The following ACTN3 variants were observed in gnomAD, a reference collection of about 807,000 sequenced individuals.
The protein encoded by ACTN3 is alpha-actinin-3.
Under a neutral mutation model 119.6 loss-of-function variants are expected in ACTN3, and 91 were observed. The ratio of observed to expected loss-of-function variants is 0.76; its 90% CI spans 0.64 to 0.91. The LOEUF (loss-of-function observed/expected upper bound fraction) is 0.91. Among genes scored for constraint, ACTN3 ranks in the 40% least tolerant of loss-of-function variants. The pLI is 0.00. For missense variants in ACTN3, 1,221 were observed against 1,215.1 expected, an observed-to-expected ratio of 1.00 and a Z score of -0.07; for synonymous variants, 456 against 478.8, an observed-to-expected ratio of 0.95 and a Z score of 0.62.
intron 11 of ACTN3, among the ~76,000 whole-genome samples, chr11:66,558,605 T>G (rs1318270996): frequency 6.6e-6 from 1 of 152,006 alleles, no homozygotes; most frequent in Non-Finnish European, 1.5e-5. Flanking sequence ...TGGACTCGAG[T>G]GATCCACCCA....
Position 66,563,194 on chromosome 11 carries a change from C to G in ACTN3, c.*1C>G. 6.3e-7 allele frequency: 1 copy of G among 1,596,644 alleles called. No homozygotes were observed. The highest frequency in any genetic ancestry group is 2.2e-5 in the East Asian group (1 of 44,542). On this transcript the variant is annotated 3_prime_UTR_variant, in exon 21 of 21. Transcript: ENST00000513398. ...CCTCTATGGGGAGAGCGACCTTTGA[C>G]CCCAACCACTGAGGTTCTCTATGCA...
rs772952465 is a variant in ACTN3 at position 66,557,720 on chromosome 11, A to C, written c.919A>C (p.Thr307Pro). 1.2e-6 allele frequency: 2 copies of C among 1,612,718 alleles called. No homozygotes were observed. Among genetic ancestry groups the C allele is most frequent in the Non-Finnish European group, 1.7e-6 (2 of 1,179,468 alleles). ...ASELLEWIRR[T>P]VPWLENRVGE... is the part of the protein sequence containing the mutation. ...TCAGCTGCTGGAGTGGATCCGCCGC[A>C]CTGTCCCATGGCTGGAGAACCGTGT... Residue 307 changes from threonine to proline, a missense_variant, in exon 10 of 21, where the codon ACT (threonine) becomes CCT (proline). Transcript: ENST00000513398.
rs142273140 is a variant in ACTN3 at position 66,557,241 on chromosome 11, C to T, written c.897+16C>T. ...TGCCAGTGAGGTGAGGCTGGGCTCCCACCGTGCTCTCCCCACCCCAGCCCT... is the reference window on the plus strand; with the variant it reads ...TGCCAGTGAGGTGAGGCTGGGCTCCTACCGTGCTCTCCCCACCCCAGCCCT... On this transcript the variant is annotated intron_variant, in intron 9 of 20. Coordinates refer to ENST00000513398, the MANE Select transcript of ACTN3 (RefSeq NM_001104.4). 413 of 1,550,648 alleles carry T rather than the reference C, an allele frequency of 2.7e-4. No homozygotes were observed. The highest frequency in any genetic ancestry group is 3.4e-4 in the Non-Finnish European group (385 of 1,146,488).
rs564806744 is a variant in ACTN3, at chr11:66,558,470, C to T, written c.1276+296C>T. On this transcript the variant is annotated intron_variant, in intron 11 of 20. Transcript: ENST00000513398. Reference sequence around the variant, plus strand: ...ACAATCTCTGCCTCCCAGGCTCAAGCGATCCTCCTGCCTCAGCCACCCAAG... The same window carrying T: ...ACAATCTCTGCCTCCCAGGCTCAAGTGATCCTCCTGCCTCAGCCACCCAAG... Among the ~76,000 whole-genome samples the T allele has an allele frequency of 8.5e-5, 13 of 152,298 alleles. 1 individual carries two copies. The highest frequency in any genetic ancestry group is 2.6e-4 in the African/African-American group (11 of 41,560).
rs376683828 is a variant in ACTN3 at position 66,546,927 on chromosome 11, G to C, written c.-11G>C. ...CGTGCCGAGCGGAGCGAAGCCAGGA[G>C]CCCGATCGAGATGATGATGGTTATG... On this transcript the variant is annotated 5_prime_UTR_variant, in exon 1 of 21. Transcript: ENST00000513398. The C allele has an allele frequency of 1.3e-6, 2 of 1,536,840 alleles. No homozygotes were observed. The highest frequency in any genetic ancestry group is 1.4e-5 in the African/African-American group (1 of 72,354).
chr11:66,560,399 T>A, intron 14 of ACTN3, 88 bp downstream of exon 14: 1 of 1,517,446 alleles, frequency 6.6e-7, no homozygotes, highest in Non-Finnish European at 8.9e-7. Context: ...TCCTGGGGCA[T>A]AGGGATGGGA....
chr11:66,559,414 C>T, intron 12 of ACTN3, 28 bp downstream of exon 12: 1 of 1,454,046 alleles, frequency 6.9e-7, no homozygotes. Flanking sequence ...GGGCCCGCCC[C>T]CAACACCCCC....
chr11:66,563,152 G>A lies in ACTN3; in HGVS notation c.2665G>A (p.Val889Met), dbSNP rs540771729. The A allele has an allele frequency of 8.1e-6, 13 of 1,613,026 alleles. No individual in the cohort carries two copies. Among genetic ancestry groups the A allele is most frequent in the East Asian group, 4.5e-5 (2 of 44,856 alleles). The change falls in exon 21 of 21, where the codon GTG (valine) becomes ATG (methionine). Residue 889 changes from valine (V) to methionine (M), a missense_variant. Physicochemically the swap from Val to Met is conservative, Grantham distance 21. Around this residue, in one of 3 missense-constraint regions of ACTN3, gnomAD observed 934 missense variants for 899.9 expected, o/e 1.04. Coordinates refer to ENST00000513398, the MANE Select transcript of ACTN3 (RefSeq NM_001104.4). ...SGAPAGALDYVAFSSALYGES... is the reference protein window; with the variant it reads ...SGAPAGALDYMAFSSALYGES... ...GGCCCCGGCTGGAGCCCTGGACTAC[G>A]TGGCCTTCTCCAGTGCCCTCTATGG...
chr11:66,562,171 C>A lies in ACTN3; in HGVS notation c.2322+3C>A. On this transcript the variant is annotated splice_donor_region_variant and intron_variant, in intron 18 of 20. Coordinates refer to ENST00000513398, the MANE Select transcript of ACTN3 (RefSeq NM_001104.4). ...CATCCTTCAACCACTTTGACAGGGTCAGCAGGGGCCTGGCCCTGTGGGGTA... is the reference window on the plus strand; with the variant it reads ...CATCCTTCAACCACTTTGACAGGGTAAGCAGGGGCCTGGCCCTGTGGGGTA... 6.2e-7 allele frequency: 1 copy of A among 1,613,944 alleles called. No individual in the cohort carries two copies. The highest frequency in any genetic ancestry group is 8.5e-7 in the Non-Finnish European group (1 of 1,179,894).
At chr11:66,546,827 C>A, upstream of ACTN3, 1 of 1,526,902 alleles carries the variant, frequency 6.5e-7, no homozygotes, top group South Asian at 1.2e-5. Context: ...GCCCCTCCCT[C>A]CTCCCCCATA....
chr11:66,558,601 C>T (rs1200467895), intron 11 of ACTN3, among the ~76,000 whole-genome samples: 1 of 152,128 alleles, frequency 6.6e-6, no homozygotes, highest in Non-Finnish European at 1.5e-5. Context: ...CTCCTGGACT[C>T]GAGTGATCCA....
At position 66,551,645 on chromosome 11, in the gene ACTN3, A is replaced by C. The variant is rs569022261; in HGVS notation, c.380A>C (p.Glu127Ala). 226 of 1,613,360 alleles carry C rather than the reference A, an allele frequency of 1.4e-4. No individual in the cohort carries two copies. The highest frequency in any genetic ancestry group is 1.8e-4 in the Non-Finnish European group (217 of 1,180,006). The change falls in exon 3 of 21, where the codon GAA (glutamate) becomes GCA (alanine). Residue 127 changes from glutamate (E) to alanine (A), a missense_variant and splice_region_variant. Transcript: ENST00000513398. ...GTTAAACTGGTGTCCATTGGTGCTG[A>C]AGGTGAGGAGGTGGCAGGAAGGGTC... is the stretch of plus-strand genomic sequence containing the variant. ...KGVKLVSIGA[E>A]EIVDGNLKMT...
chr11:66,554,276 T>G (rs1857540913), intron 4 of ACTN3, 145 bp downstream of exon 4: 2 of 315,334 alleles, frequency 6.3e-6, no homozygotes, highest in South Asian at 1.2e-4. Flanking sequence ...AAACCCCATC[T>G]CTACAAAAAA....
intron 19 of ACTN3, 109 bp downstream of exon 19, chr11:66,562,431 C>A: frequency 7.9e-7 from 1 of 1,261,598 alleles, no homozygotes; most frequent in Non-Finnish European, 1.2e-6. Flanking sequence ...TGCATCTTCA[C>A]TACATCCACA....
rs1009655785 is a variant in ACTN3 at position 66,554,745 on chromosome 11, G to A, written c.557+122G>A. 5.1e-6 allele frequency: 4 copies of A among 791,926 alleles called. No individual in the cohort carries two copies. In the African/African-American group the frequency reaches 5.2e-5, roughly 10 times the overall value. 49.1% of individuals were successfully genotyped at this position (791,926 alleles called of 1,614,324 possible). ...CTGTCACAAGCCACAGGGAAGGAAA[G>A]GTCACAGTTCCTGGAACAGTGTCTG... On this transcript the variant is annotated intron_variant, in intron 5 of 20. Coordinates refer to ENST00000513398, the MANE Select transcript of ACTN3 (RefSeq NM_001104.4).
chr11:66,547,560 A>G (rs962452078), intron 1 of ACTN3, among the ~76,000 whole-genome samples: 1 of 152,104 alleles, frequency 6.6e-6, no homozygotes, highest in Admixed American at 6.5e-5. Flanking sequence ...TAGTCGCTGT[A>G]TCTCATTTAA....
Position 66,560,191 on chromosome 11 carries a change from G to A in ACTN3, c.1557G>A (p.Glu519=), listed in dbSNP as rs765511744. The A allele has an allele frequency of 5.0e-6, 8 of 1,608,604 alleles. No homozygotes were observed. The highest frequency in any genetic ancestry group is 1.7e-4 in the Middle Eastern group (1 of 6,052). Residue 519 remains glutamate, a synonymous_variant, in exon 14 of 21, where the codon GAG becomes GAA. Transcript: ENST00000513398. ...TCTAGCGGATGGAGAAGCTCCTGGA[G>A]ACCATTGACCGGCTGCAACTGGAGT... ...DALERMEKLL[E]TIDRLQLEFA...
Position 66,560,572 on chromosome 11 carries a change from G to C in ACTN3, c.1678-1G>C, listed in dbSNP as rs768926719. The C allele has an allele frequency of 6.2e-7, 1 of 1,608,312 alleles. No homozygotes were observed. The highest frequency in any genetic ancestry group is 2.2e-5 in the East Asian group (1 of 44,818). ...TGACACTTCCTGCCTGTCGTCCCCA[G>C]AGCCTGCTGACAGCGCACGATCAGT... On this transcript the variant is annotated splice_acceptor_variant, in intron 14 of 20. Transcript: ENST00000513398. LOFTEE classifies it high-confidence loss of function.
intron 1 of ACTN3, among the ~76,000 whole-genome samples, chr11:66,548,223 G>T (rs570458584): frequency 2.0e-5 from 3 of 152,042 alleles, no homozygotes; most frequent in Non-Finnish European, 2.9e-5. Flanking sequence ...GGGGTGCCCC[G>T]GGTGACAGGC....
Sources: gnomAD v4.1 joint callset for allele counts (sites outside exome capture counted in the v4.1 genomes callset) on GRCh38, gnomAD v4.1.1 for gene constraint, gnomAD v4.1.1 regional missense constraint, MANE v1.5 for transcripts, NCBI Gene and HGNC (gene_info 2026-07-23, HGNC 2026-07-21) for gene names.